The following USP54 variants were observed in gnomAD, a reference collection of about 807,000 sequenced individuals.
USP54 encodes ubiquitin carboxyl-terminal hydrolase 54.
USP54 carries 87 observed loss-of-function variants against 170.5 expected under a neutral mutation model. That is an observed-to-expected ratio of 0.51 (90% confidence interval 0.43 to 0.61). The LOEUF (loss-of-function observed/expected upper bound fraction) is 0.61, where lower values mean the gene tolerates loss of function less well. USP54 is among the 20% of genes least tolerant of loss of function. The pLI is 0.00. For missense variants in USP54, 1,786 were observed against 2,047.8 expected, an observed-to-expected ratio of 0.87 and a Z score of 2.47; for synonymous variants, 655 against 742.8, an observed-to-expected ratio of 0.88 and a Z score of 1.92.
At chr10:73,599,316 T>C (rs972241871) in intron 1 of USP54, among the ~76,000 whole-genome samples, 1 of 152,204 alleles carries the variant, frequency 6.6e-6, no homozygotes, top group African/African-American at 2.4e-5. Flanking sequence ...CACAAACCTC[T>C]TAATCCTAAA....
At chr10:73,577,048 A>G (rs1030829995) in intron 1 of USP54, among the ~76,000 whole-genome samples, 6 of 152,230 alleles carry the variant, frequency 3.9e-5, no homozygotes, top group Non-Finnish European at 8.8e-5. Flanking sequence ...TTTAGTTTTC[A>G]ACTAATTAAA....
chr10:73,606,531 T>TGC (rs1214915430), intron 1 of USP54: 1 of 152,218 alleles, frequency 6.6e-6, no homozygotes, highest in Non-Finnish European at 1.5e-5. Context: ...AACAATCTGC[T>TGC]GCTTTTCTCA....
intron 23 of USP54, among the ~76,000 whole-genome samples, chr10:73,500,129 G>A (rs551504711): frequency 2.6e-5 from 4 of 152,236 alleles, no homozygotes; most frequent in Admixed American, 6.5e-5. Flanking sequence ...CATCTCACTC[G>A]GAAGGTCAAA....
At chr10:73,536,245 G>C (rs745691027) in intron 11 of USP54, 24 bp downstream of exon 11, 2 of 1,612,832 alleles carry the variant, frequency 1.2e-6, no homozygotes, top group Non-Finnish European at 8.5e-7. Context: ...GGAGAGAGGA[G>C]AGGTAAAGAG....
Position 73,541,746 on chromosome 10 carries a change from A to G in USP54, c.573-8T>C. Reference sequence around the variant, plus strand: ...ATACAAATAGCCTGATTGCTTCAAGATGGGGAATAGAAGGGGGATGATGGT... The same window carrying G: ...ATACAAATAGCCTGATTGCTTCAAGGTGGGGAATAGAAGGGGGATGATGGT... On this transcript the variant is annotated splice_polypyrimidine_tract_variant and splice_region_variant and intron_variant, in intron 7 of 23. Coordinates refer to ENST00000687698, the MANE Select transcript of USP54 (RefSeq NM_001391956.1). 1 of 1,613,342 alleles carries G rather than the reference A, an allele frequency of 6.2e-7. No homozygotes were observed. The highest frequency in any genetic ancestry group is 8.5e-7 in the Non-Finnish European group (1 of 1,179,332).
chr10:73,520,213 A>C (rs2061686032), intron 18 of USP54: 1 of 609,138 alleles, frequency 1.6e-6, no homozygotes, highest in African/African-American at 1.8e-5. Context: ...GTTAATCCAA[A>C]TTAAAAAAAC....
chr10:73,508,124 A>G (rs1412215647), intron 20 of USP54, among the ~76,000 whole-genome samples: 2 of 151,338 alleles, frequency 1.3e-5, no homozygotes, highest in Admixed American at 1.3e-4. Context: ...CCTTTAAAAG[A>G]AGGCAGGGTG....
At position 73,618,979 on chromosome 10, in the gene USP54, G is replaced by A. The variant is rs537992642; in HGVS notation, c.-18+6588C>T. Among the ~76,000 whole-genome samples the A allele has an allele frequency of 2.1e-4, 31 of 149,614 alleles. No homozygotes were observed. The East Asian group carries it at 4.5e-3, about 22-fold the overall frequency. On this transcript the variant is annotated intron_variant, in intron 1 of 22. Transcript: ENST00000339859. The stretch of plus-strand genomic sequence containing the variant: ...TGTAATCCCTGCACTTTGGGAGACC[G>A]AGGCAGGCAGATCACCTGAGGTCAG...
At chr10:73,593,088 G>A (rs1234908124), upstream of USP54, among the ~76,000 whole-genome samples, 1 of 152,126 alleles carries the variant, frequency 6.6e-6, no homozygotes, top group African/African-American at 2.4e-5. Flanking sequence ...GCCGGGTGCA[G>A]GGGCTCACGC....
intron 20 of USP54, chr10:73,513,362 G>A (rs1287158543): frequency 6.6e-6 from 1 of 152,160 alleles, no homozygotes; most frequent in East Asian, 1.9e-4. Context: ...CTACTCGGGA[G>A]GCTGAGGCAG....
At chr10:73,526,158 C>T (rs1338712584) in intron 16 of USP54, among the ~76,000 whole-genome samples, 4 of 152,164 alleles carry the variant, frequency 2.6e-5, no homozygotes, top group African/African-American at 9.7e-5. Flanking sequence ...TTCATGCAGG[C>T]TGTGATGGAG....
At chr10:73,573,625 G>A (rs765086392) in intron 3 of USP54, among the ~76,000 whole-genome samples, 8 of 152,260 alleles carry the variant, frequency 5.3e-5, no homozygotes, top group East Asian at 1.9e-4. Context: ...TTAGCCCAGC[G>A]TGGTGGTGCA....
In USP54 at chr10:73,550,190, C is replaced by A. The variant is rs186229142; in HGVS notation, c.241-4518G>T. 1.0e-3 allele frequency among the ~76,000 whole-genome samples: 152 copies of A among 152,326 alleles called. 1 individual carries two copies. Among genetic ancestry groups the A allele is most frequent in the Non-Finnish European group, 1.3e-3 (90 of 68,030 alleles). On this transcript the variant is annotated intron_variant, in intron 4 of 23. Transcript: ENST00000687698. Reference sequence around the variant, plus strand: ...CCACCTGCCTCAGCCTCCCAAAGTGCTGGGATAACAGGCGTGGGCCACCAC... The same window carrying A: ...CCACCTGCCTCAGCCTCCCAAAGTGATGGGATAACAGGCGTGGGCCACCAC...
chr10:73,516,187 T>A (rs980694878), intron 20 of USP54, among the ~76,000 whole-genome samples, 188 bp downstream of exon 20: 1 of 152,152 alleles, frequency 6.6e-6, no homozygotes, highest in African/African-American at 2.4e-5. Flanking sequence ...ATTCTGCCCC[T>A]TCCTCCACTC....
intron 11 of USP54, 28 bp downstream of exon 11, chr10:73,536,241 A>G: frequency 6.2e-7 from 1 of 1,612,254 alleles, no homozygotes. Context: ...GTGAGGAGAG[A>G]GGAGAGGTAA....
intron 4 of USP54, among the ~76,000 whole-genome samples, chr10:73,571,092 C>T (rs1332905151): frequency 3.6e-5 from 5 of 140,388 alleles, no homozygotes; most frequent in Non-Finnish European, 7.5e-5. Context: ...GAGCTGAGGT[C>T]GCACCAGTGC....
chr10:73,535,613 A>G (rs755293380), intron 11 of USP54, among the ~76,000 whole-genome samples: 2 of 152,196 alleles, frequency 1.3e-5, no homozygotes. Flanking sequence ...CATCAAGCTG[A>G]AAATTGTTTT....
At chr10:73,562,422 A>G (rs543864016) in intron 4 of USP54, among the ~76,000 whole-genome samples, 3 of 152,344 alleles carry the variant, frequency 2.0e-5, no homozygotes, top group African/African-American at 7.2e-5. Flanking sequence ...GAACACAACT[A>G]TCCTGAATTT....
At chr10:73,545,063 AAC>A (rs2067472748) in intron 5 of USP54, among the ~76,000 whole-genome samples, 1 of 152,186 alleles carries the variant, frequency 6.6e-6, no homozygotes, top group Non-Finnish European at 1.5e-5. Flanking sequence ...TGATGTATAG[AAC>A]ACAGAGTTCA....
Sources: gnomAD v4.1 joint callset for allele counts (sites outside exome capture counted in the v4.1 genomes callset) on GRCh38, gnomAD v4.1.1 for gene constraint, MANE v1.5 for transcripts, NCBI Gene and HGNC (gene_info 2026-07-23, HGNC 2026-07-21) for gene names.